The following PRPF6 variants were observed in gnomAD, a reference collection of about 807,000 sequenced individuals.
PRPF6 encodes pre-mRNA-processing factor 6.
PRPF6 carries 42 observed loss-of-function variants against 118.3 expected under a neutral mutation model. The observed-to-expected ratio is 0.35, with a 90% confidence interval of 0.28 to 0.46. PRPF6 has a LOEUF of 0.46. Ranked by LOEUF, PRPF6 falls within the 20% of genes least tolerant of loss-of-function variation. The pLI is 1.00. For synonymous variants in PRPF6, 481 were observed against 485.1 expected (o/e 0.99, Z 0.11); for missense variants, 662 against 1,255.7 (o/e 0.53, Z 7.15).
intron 9 of PRPF6, among the ~76,000 whole-genome samples, chr20:64,002,469 G>A (rs1210315434): frequency 2.0e-5 from 3 of 151,418 alleles, no homozygotes; most frequent in Non-Finnish European, 2.9e-5. Flanking sequence ...CCGAGTAGCC[G>A]GGATTACAGG....
At chr20:64,009,206 G>A (rs8124378) in intron 9 of PRPF6, among the ~76,000 whole-genome samples, 30,883 of 149,792 alleles carry the variant, frequency 0.21, 3,518 homozygotes, top group African/African-American at 0.29. Context: ...GCTTGAACCC[G>A]GGTGGCAGAG....
intron 1 of PRPF6, 141 bp downstream of exon 1, chr20:63,981,457 C>T (rs2059066647): frequency 2.4e-6 from 2 of 822,532 alleles, no homozygotes; most frequent in South Asian, 1.7e-5. Context: ...CAGGAAGCAA[C>T]GGGCTTTGGG....
At chr20:63,995,823 AT>A in intron 6 of PRPF6, among the ~76,000 whole-genome samples, 1 of 151,702 alleles carries the variant, frequency 6.6e-6, no homozygotes, top group South Asian at 2.1e-4. Flanking sequence ...CACCCGGCTA[AT>A]TTTTGTATTT....
At chr20:64,003,055 C>T (rs1339906776) in intron 9 of PRPF6, among the ~76,000 whole-genome samples, 7 of 152,050 alleles carry the variant, frequency 4.6e-5, no homozygotes, top group Admixed American at 4.6e-4. Flanking sequence ...GGCGATCCTC[C>T]CAGCTTAGCC....
rs2059279506 is a variant in PRPF6, at chr20:64,024,545, T to TA, written c.1770-9dup. ...CCTGCCTCTGGTGACCGTGGCCTCT[T>TA]ATCTTGCAGGGAGTCCCTGGAAGCA... On this transcript the variant is annotated splice_polypyrimidine_tract_variant and intron_variant, in intron 13 of 20. Transcript: ENST00000266079. 1 of 1,613,216 alleles carries TA rather than the reference T, an allele frequency of 6.2e-7. No homozygotes were observed. The highest frequency in any genetic ancestry group is 1.3e-5 in the African/African-American group (1 of 74,946).
At position 64,011,101 on chromosome 20, in the gene PRPF6, G is replaced by A. The variant is rs1201469477; in HGVS notation, c.1306-184G>A. 6.6e-6 allele frequency among the ~76,000 whole-genome samples: 1 copy of A among 152,182 alleles called. No homozygotes were observed. Among genetic ancestry groups the A allele is most frequent in the Non-Finnish European group, 1.5e-5 (1 of 68,032 alleles). On this transcript the variant is annotated intron_variant, in intron 10 of 20. Transcript: ENST00000266079. This position sits in a 1 kb window ranked among gnomAD's most constrained non-coding sequence, Gnocchi z 6.7. ...ACGAGAGTCACTAAATGAGTCAGAAGCATAAAGGAACAGTTGGTCAGGTGA... is the reference window on the plus strand; with the variant it reads ...ACGAGAGTCACTAAATGAGTCAGAAACATAAAGGAACAGTTGGTCAGGTGA...
At chr20:64,000,119 A>G (rs1048029269) in intron 8 of PRPF6, among the ~76,000 whole-genome samples, 1 of 151,878 alleles carries the variant, frequency 6.6e-6, no homozygotes, top group East Asian at 1.9e-4. Context: ...GCCTGAATCC[A>G]CCACGCCTGA....
intron 11 of PRPF6, among the ~76,000 whole-genome samples, chr20:64,014,751 T>C (rs992890833): frequency 2.6e-5 from 4 of 152,254 alleles, no homozygotes; most frequent in African/African-American, 9.6e-5. Context: ...ACGTCAAACA[T>C]GCTCAGAACA....
In PRPF6 at chr20:64,011,532, T is replaced by A; in HGVS notation, c.1524+29T>A. 1.1e-5 allele frequency: 18 copies of A among 1,595,390 alleles called. No individual in the cohort carries two copies. The highest frequency in any genetic ancestry group is 1.5e-5 in the Non-Finnish European group (18 of 1,171,416). Reference sequence around the variant, plus strand: ...GGCCGCAGGCGGGTGTCGTGGTGTCTGCTTTAACAGTGCACATGCAGCACG... The same window carrying A: ...GGCCGCAGGCGGGTGTCGTGGTGTCAGCTTTAACAGTGCACATGCAGCACG... On this transcript the variant is annotated intron_variant, in intron 11 of 20. Transcript: ENST00000266079. This position sits in a 1 kb window ranked among gnomAD's most constrained non-coding sequence, Gnocchi z 6.7.
At chr20:63,985,228 A>G (rs1186264583) in intron 3 of PRPF6, among the ~76,000 whole-genome samples, 1 of 152,042 alleles carries the variant, frequency 6.6e-6, no homozygotes, top group African/African-American at 2.4e-5. Context: ...GCCAGATGGT[A>G]CACACCTGTA....
In PRPF6 at chr20:64,029,149, AGAGT is replaced by A. The variant is rs2059303935; in HGVS notation, c.2432-224_2432-221del. Among the ~76,000 whole-genome samples the A allele has an allele frequency of 6.6e-6, 1 of 152,186 alleles. No individual in the cohort carries two copies. Among genetic ancestry groups the A allele is most frequent in the Non-Finnish European group, 1.5e-5 (1 of 68,028 alleles). On this transcript the variant is annotated intron_variant, in intron 18 of 20. Coordinates refer to ENST00000266079, the MANE Select transcript of PRPF6 (RefSeq NM_012469.4). This position sits in a 1 kb window ranked among gnomAD's most constrained non-coding sequence, Gnocchi z 4.8. ...GCCATTGCACTCCACCCTGAATGACAGAGTGAGACTCTGCAGGGTGTCCAGTCTG... is the reference window on the plus strand; with the variant it reads ...GCCATTGCACTCCACCCTGAATGACAGAGACTCTGCAGGGTGTCCAGTCTG...
In PRPF6 at chr20:63,999,024, T is replaced by C. The variant is rs1408547120; in HGVS notation, c.772-21T>C. Reference sequence around the variant, plus strand: ...GCACCTGGTCATGTCCAGCTGACTCTTAGCTTGGCCTGTCTCACAGGTGTC... The same window carrying C: ...GCACCTGGTCATGTCCAGCTGACTCCTAGCTTGGCCTGTCTCACAGGTGTC... On this transcript the variant is annotated intron_variant, in intron 6 of 20. Transcript: ENST00000266079. The C allele has an allele frequency of 1.9e-6, 3 of 1,602,336 alleles. No individual in the cohort carries two copies. In the Admixed American group the frequency reaches 5.0e-5, roughly 27 times the overall value.
In PRPF6 at chr20:64,028,342, G is replaced by C; in HGVS notation, c.2340-136G>C. The C allele has an allele frequency of 1.1e-6, 1 of 885,940 alleles. No homozygotes were observed. Among genetic ancestry groups the C allele is most frequent in the East Asian group, 2.5e-5 (1 of 40,190 alleles). The allele number at this position is 885,940 out of a possible 1,614,324, so 54.9% of individuals were successfully genotyped here. ...AGCGCCTTGTTTCTGTGGTGGATGA[G>C]CTCTGCTGTGGAGGGAATGGAGTTT... is the stretch of plus-strand genomic sequence containing the variant. On this transcript the variant is annotated intron_variant, in intron 17 of 20. Coordinates refer to ENST00000266079, the MANE Select transcript of PRPF6 (RefSeq NM_012469.4). The surrounding 1 kb of genome is among the most constrained non-coding windows in gnomAD (Gnocchi z 6.5).
rs941935746 is a variant in PRPF6, at chr20:64,028,244, A to C, written c.2340-234A>C. On this transcript the variant is annotated intron_variant, in intron 17 of 20. Coordinates refer to ENST00000266079, the MANE Select transcript of PRPF6 (RefSeq NM_012469.4). This position sits in a 1 kb window ranked among gnomAD's most constrained non-coding sequence, Gnocchi z 6.5. ...GTTTGTTCTGGATGCCTTCACCTGCATCTGGACAGCGTCAGGATCTGAGGT... is the reference window on the plus strand; with the variant it reads ...GTTTGTTCTGGATGCCTTCACCTGCCTCTGGACAGCGTCAGGATCTGAGGT... 2.0e-4 allele frequency among the ~76,000 whole-genome samples: 30 copies of C among 152,356 alleles called. No individual in the cohort carries two copies. The highest frequency in any genetic ancestry group is 7.0e-4 in the African/African-American group (29 of 41,588).
At chr20:64,015,407 C>T (rs1264541524) in intron 11 of PRPF6, among the ~76,000 whole-genome samples, 1 of 152,176 alleles carries the variant, frequency 6.6e-6, no homozygotes, top group African/African-American at 2.4e-5. Flanking sequence ...CTTGGCTCTG[C>T]TTTCTGTCTG....
At chr20:63,985,792 A>G (rs1028451007) in intron 3 of PRPF6, among the ~76,000 whole-genome samples, 1 of 152,232 alleles carries the variant, frequency 6.6e-6, no homozygotes, top group African/African-American at 2.4e-5. Context: ...ACATCTCAGG[A>G]TCTGATTGCT....
intron 2 of PRPF6, among the ~76,000 whole-genome samples, chr20:63,984,101 C>T (rs190727051): frequency 4.6e-5 from 7 of 152,230 alleles, no homozygotes; most frequent in Non-Finnish European, 1.0e-4. Flanking sequence ...TGACATTTTT[C>T]CTCTGAGGAA....
At position 64,013,161 on chromosome 20, in the gene PRPF6, C is replaced by G. The variant is rs113544210; in HGVS notation, c.1524+1658C>G. On this transcript the variant is annotated intron_variant, in intron 11 of 20. Transcript: ENST00000266079. ...TGTATTTTTAGAAGAGACAGAGTTT[C>G]ACCATGTTGGCCAGGTTGGTCTCGA... 7.7e-3 allele frequency among the ~76,000 whole-genome samples: 1,169 copies of G among 152,174 alleles called. 20 individuals are homozygous for G. The highest frequency in any genetic ancestry group is 0.027 in the African/African-American group (1,110 of 41,516).
chr20:64,015,180 G>A (rs1022146519), intron 11 of PRPF6, among the ~76,000 whole-genome samples: 2 of 152,218 alleles, frequency 1.3e-5, no homozygotes, highest in African/African-American at 4.8e-5. Context: ...GACTTCCCAT[G>A]GTTTGACTTT....
Sources: gnomAD v4.1 joint callset for allele counts (sites outside exome capture counted in the v4.1 genomes callset) on GRCh38, gnomAD v4.1.1 for gene constraint, Gnocchi (gnomAD v3.1) non-coding constraint, MANE v1.5 for transcripts, NCBI Gene and HGNC (gene_info 2026-07-23, HGNC 2026-07-21) for gene names.